ANKMY1: variants seen among roughly 807,000 people sequenced by gnomAD.
ANKMY1 encodes ankyrin repeat and MYND domain-containing protein 1.
ANKMY1 carries 98 observed loss-of-function variants against 102.0 expected under a neutral mutation model. The observed-to-expected ratio is 0.96, with a 90% CI of 0.82 to 1.14. The LOEUF (loss-of-function observed/expected upper bound fraction) is 1.14, where lower values mean the gene tolerates loss of function less well. Ranked by LOEUF, ANKMY1 falls within the 50% of genes most tolerant of loss-of-function variation. The pLI is 0.00. For missense variants in ANKMY1, 1,330 were observed against 1,347.6 expected, an observed-to-expected ratio of 0.99 and a Z score of 0.20; for synonymous variants, 582 against 559.9, an observed-to-expected ratio of 1.04 and a Z score of -0.56.
intron 13 of ANKMY1, among the ~76,000 whole-genome samples, chr2:240,501,636 A>T (rs2078198886): frequency 6.6e-6 from 1 of 152,220 alleles, no homozygotes; most frequent in African/African-American, 2.4e-5. Flanking sequence ...CATGCGTAAC[A>T]CACATTCCAC....
At chr2:240,516,833 G>A (rs4676354) in intron 9 of ANKMY1, among the ~76,000 whole-genome samples, 107,326 of 152,198 alleles carry the variant, frequency 0.71, 38,165 homozygotes, top group East Asian at 0.87. Context: ...CTAACCCAGT[G>A]TGAAGCAAAG....
At chr2:240,486,854 A>G (rs2076115297) in intron 15 of ANKMY1, among the ~76,000 whole-genome samples, 1 of 152,098 alleles carries the variant, frequency 6.6e-6, no homozygotes, top group Non-Finnish European at 1.5e-5. Flanking sequence ...CACTGTCTTG[A>G]GTCTCCTCTA....
chr2:240,507,364 CG>C (rs2152119549), intron 13 of ANKMY1, among the ~76,000 whole-genome samples, 195 bp downstream of exon 13: 1 of 142,888 alleles, frequency 7.0e-6, no homozygotes, highest in African/African-American at 2.6e-5. Flanking sequence ...CCCAACCTCC[CG>C]CCCCCCCTCA....
intron 8 of ANKMY1, chr2:240,522,761 A>C (rs1443183590): frequency 1.3e-5 from 2 of 152,222 alleles, no homozygotes; most frequent in Admixed American, 6.5e-5. Flanking sequence ...GCATGTCTTC[A>C]GGCAGTATCA....
the ANKMY1 span, among the ~76,000 whole-genome samples, chr2:240,472,321 G>GT: frequency 7.3e-6 from 1 of 137,532 alleles, no homozygotes; most frequent in South Asian, 2.3e-4. Flanking sequence ...AAGGAGCCCT[G>GT]TGACCCAGCT....
chr2:240,475,203 G>C (rs999380083), downstream of ANKMY1, among the ~76,000 whole-genome samples: 2 of 152,044 alleles, frequency 1.3e-5, no homozygotes, highest in Non-Finnish European at 2.9e-5. Flanking sequence ...ATGCTTGTTG[G>C]CTAGATACAT....
At chr2:240,501,590 A>G (rs1484380384) in intron 13 of ANKMY1, among the ~76,000 whole-genome samples, 1 of 152,202 alleles carries the variant, frequency 6.6e-6, no homozygotes, top group Non-Finnish European at 1.5e-5. Flanking sequence ...AATCAGGGAT[A>G]CACAACTCCC....
chr2:240,504,590 A>G (rs1246279049), intron 13 of ANKMY1, among the ~76,000 whole-genome samples: 1 of 152,250 alleles, frequency 6.6e-6, no homozygotes, highest in Non-Finnish European at 1.5e-5. Flanking sequence ...TTAAAAAAAA[A>G]GATTCAAAAA....
upstream of ANKMY1, among the ~76,000 whole-genome samples, chr2:240,559,888 T>C (rs1460009670): frequency 1.3e-5 from 2 of 152,260 alleles, no homozygotes; most frequent in African/African-American, 4.8e-5. Context: ...TGTAGGGCTG[T>C]TGAGACAGTT....
chr2:240,556,626 C>T (rs1348957596), intron 2 of ANKMY1, among the ~76,000 whole-genome samples: 2 of 152,204 alleles, frequency 1.3e-5, no homozygotes, highest in Admixed American at 6.5e-5. Context: ...CCTTTGCAGC[C>T]TCCATTTTGC....
Position 240,499,964 on chromosome 2 carries a change from T to TGTGA in ANKMY1, c.2799_2800insTCAC (p.Lys934SerfsTer121), listed in dbSNP as rs1401396351. 3.1e-6 allele frequency: 5 copies of TGTGA among 1,612,224 alleles called. No individual in the cohort carries two copies. The Admixed American group carries it at 8.3e-5, about 27-fold the overall frequency. On this transcript the variant is annotated frameshift_variant, in exon 15 of 18. Coordinates refer to ENST00000401804, the MANE Select transcript of ANKMY1 (RefSeq NM_001282771.3). LOFTEE classifies it high-confidence loss of function. The surrounding 1 kb of genome is among the most constrained non-coding windows in gnomAD (Gnocchi z 4.2). Reference sequence around the variant, plus strand: ...AGCAGGGCCCACTGCTCACCTCTCTTGCACAGGTACAGCCACGTGGGGTCC... The same window carrying TGTGA: ...AGCAGGGCCCACTGCTCACCTCTCTTGTGAGCACAGGTACAGCCACGTGGGGTCC...
In ANKMY1 at chr2:240,526,407, A is replaced by G; in HGVS notation, c.992T>C (p.Ile331Thr). 1.2e-6 allele frequency: 2 copies of G among 1,614,172 alleles called. No individual in the cohort carries two copies. The highest frequency in any genetic ancestry group is 2.7e-5 in the African/African-American group (2 of 75,060). Residue 331 changes from isoleucine to threonine, a missense_variant, in exon 6 of 18, where the codon ATC becomes ACC. Physicochemically the swap from Ile to Thr is moderately conservative, Grantham distance 89. Transcript: ENST00000401804. ...AAAGCCACTGCGCTTCCCCTCCAGG[A>G]TGGCGCCCATGTTCCAGCTGGTGTG... ...PAHTSWNMGA[I>T]LEGKRSGFAP...
chr2:240,471,223 GA>G, the ANKMY1 span, among the ~76,000 whole-genome samples: 1 of 151,480 alleles, frequency 6.6e-6, no homozygotes, highest in Admixed American at 6.6e-5. Flanking sequence ...GATTCCCTCA[GA>G]GAAATCACAA....
At chr2:240,537,792 G>A (rs907854764) in intron 4 of ANKMY1, among the ~76,000 whole-genome samples, 20 of 152,224 alleles carry the variant, frequency 1.3e-4, no homozygotes, top group Admixed American at 2.0e-4. Context: ...CACAACAAGT[G>A]GAGGTGTAAA....
rs1267370102 is a variant in ANKMY1, at chr2:240,553,141, T to C, written c.337-84A>G. ...CTTGAGGCTGAGCCACCATGCCTGG[T>C]TGGCAATGAATGGGGACCACCCAGG... On this transcript the variant is annotated intron_variant, in intron 3 of 17. Coordinates refer to ENST00000401804, the MANE Select transcript of ANKMY1 (RefSeq NM_001282771.3). The C allele has an allele frequency of 1.3e-5, 20 of 1,503,080 alleles. No homozygotes were observed. In the Admixed American group the frequency reaches 2.6e-4, roughly 20 times the overall value. The allele number at this position is 1,503,080 out of a possible 1,614,324, so 93.1% of individuals were successfully genotyped here.
At chr2:240,538,148 C>T (rs920480593) in intron 4 of ANKMY1, among the ~76,000 whole-genome samples, 14 of 152,210 alleles carry the variant, frequency 9.2e-5, no homozygotes, top group African/African-American at 3.1e-4. Context: ...TCACTCTCGG[C>T]GCCTCCTCTG....
At chr2:240,516,326 G>A (rs2081207260) in intron 9 of ANKMY1, among the ~76,000 whole-genome samples, 1 of 152,004 alleles carries the variant, frequency 6.6e-6, no homozygotes, top group Non-Finnish European at 1.5e-5. Context: ...ACCTTTTTGG[G>A]GGGTATTGGG....
intron 4 of ANKMY1, among the ~76,000 whole-genome samples, chr2:240,542,593 AGAG>A (rs1559366334): frequency 6.6e-6 from 1 of 152,100 alleles, no homozygotes; most frequent in Non-Finnish European, 1.5e-5. Flanking sequence ...TGAGGCTAAT[AGAG>A]TTCAGACATG....
intron 15 of ANKMY1, among the ~76,000 whole-genome samples, chr2:240,489,483 T>C (rs1177405665): frequency 6.6e-6 from 1 of 152,046 alleles, no homozygotes; most frequent in African/African-American, 2.4e-5. Context: ...GTTTTTATCA[T>C]GAAGATTTGT....
Sources: allele counts gnomAD v4.1 joint callset (sites outside exome capture counted in the v4.1 genomes callset), GRCh38; gene constraint gnomAD v4.1.1; non-coding constraint Gnocchi (gnomAD v3.1); transcripts MANE v1.5; gene names NCBI Gene and HGNC (gene_info 2026-07-23, HGNC 2026-07-21).